MAGI2: variants seen among roughly 807,000 people sequenced by gnomAD.
MAGI2 encodes membrane-associated guanylate kinase, WW and PDZ domain-containing protein 2.
MAGI2 carries 35 observed loss-of-function variants against 133.3 expected under a neutral mutation model. That is an observed-to-expected ratio of 0.26 (90% confidence interval 0.20 to 0.35). The LOEUF (loss-of-function observed/expected upper bound fraction) is 0.35. MAGI2 is among the 10% of genes least tolerant of loss of function. The pLI is 1.00. For missense variants in MAGI2, 1,636 were observed against 1,863.4 expected, an observed-to-expected ratio of 0.88 and a Z score of 2.25; for synonymous variants, 729 against 710.6, an observed-to-expected ratio of 1.03 and a Z score of -0.41.
intron 2 of MAGI2, among the ~76,000 whole-genome samples, chr7:78,807,139 C>A (rs37883): frequency 0.33 from 49,737 of 151,570 alleles, 8,606 homozygotes; most frequent in East Asian, 0.52. Context: ...GTCAGCTATA[C>A]CAGCAGTTCT....
intron 3 of MAGI2, among the ~76,000 whole-genome samples, chr7:78,558,445 A>T (rs1800050079): frequency 6.6e-6 from 1 of 152,190 alleles, no homozygotes; most frequent in Non-Finnish European, 1.5e-5. Context: ...ATAATTTCTA[A>T]ATTTCCAAAA....
chr7:79,275,691 T>C (rs781456531), intron 1 of MAGI2, among the ~76,000 whole-genome samples: 1 of 152,136 alleles, frequency 6.6e-6, no homozygotes, highest in Non-Finnish European at 1.5e-5. Context: ...CTTCAAAGCA[T>C]CACAGGACAG....
intron 5 of MAGI2, among the ~76,000 whole-genome samples, chr7:78,496,384 C>T (rs1794086572): frequency 6.6e-6 from 1 of 152,142 alleles, no homozygotes; most frequent in South Asian, 2.1e-4. Flanking sequence ...TTGTTTTTTG[C>T]CAAAGCAATA....
At position 78,642,798 on chromosome 7, in the gene MAGI2, T is replaced by C. The variant is rs114745420; in HGVS notation, c.419-15559A>G. Among the ~76,000 whole-genome samples, 1,009 of 152,302 alleles carry C rather than the reference T, an allele frequency of 6.6e-3. 10 individuals carry two copies. Among genetic ancestry groups the C allele is most frequent in the African/African-American group, 0.024 (977 of 41,564 alleles). On this transcript the variant is annotated intron_variant, in intron 2 of 21. Coordinates refer to ENST00000354212, the MANE Select transcript of MAGI2 (RefSeq NM_012301.4). ...GGTGGCATTTTACTCTTTTTATACC[T>C]TGAGTAACTTGCCCAAGTGGCAGCA... is the stretch of plus-strand genomic sequence containing the variant.
chr7:78,152,502 A>G (rs1203109250), intron 16 of MAGI2, among the ~76,000 whole-genome samples: 1 of 152,230 alleles, frequency 6.6e-6, no homozygotes, highest in African/African-American at 2.4e-5. Flanking sequence ...TGTACTTTGT[A>G]TCATTAGCAA....
chr7:78,181,551 A>G (rs3807669), intron 13 of MAGI2, among the ~76,000 whole-genome samples: 39,607 of 152,132 alleles, frequency 0.26, 6,086 homozygotes, highest in South Asian at 0.36. Context: ...CATTCTTTGG[A>G]TATTAGTGTT....
intron 7 of MAGI2, among the ~76,000 whole-genome samples, chr7:78,353,878 T>C (rs1791785215): frequency 6.6e-6 from 1 of 152,148 alleles, no homozygotes; most frequent in African/African-American, 2.4e-5. Context: ...GAAGGACAGT[T>C]CTGAGTCATG....
intron 2 of MAGI2, among the ~76,000 whole-genome samples, chr7:78,697,681 G>A (rs1346039035): frequency 2.0e-5 from 3 of 151,948 alleles, no homozygotes; most frequent in South Asian, 2.1e-4. Flanking sequence ...TAACCTCACT[G>A]TAAAAAATAC....
chr7:79,027,229 C>A (rs1185076631), intron 1 of MAGI2, among the ~76,000 whole-genome samples: 6 of 151,904 alleles, frequency 3.9e-5, no homozygotes, highest in Admixed American at 2.6e-4. Context: ...GTCAAAGAGC[C>A]ATCTATACTC....
intron 3 of MAGI2, among the ~76,000 whole-genome samples, chr7:78,549,745 T>A (rs1799175379): frequency 6.6e-6 from 1 of 152,202 alleles, no homozygotes; most frequent in African/African-American, 2.4e-5. Context: ...CTATGACCTA[T>A]AAAACACAAG....
chr7:78,529,185 T>A (rs772221234), intron 3 of MAGI2, among the ~76,000 whole-genome samples: 10 of 152,332 alleles, frequency 6.6e-5, no homozygotes, highest in South Asian at 2.1e-4. Context: ...TTCCTGAAAC[T>A]TGTTTGCAAG....
chr7:78,433,327 A>C (rs1030256156), intron 6 of MAGI2, among the ~76,000 whole-genome samples: 18 of 151,984 alleles, frequency 1.2e-4, no homozygotes, highest in Admixed American at 3.9e-4. Flanking sequence ...TATTTGTATA[A>C]AATATACCTT....
intron 2 of MAGI2, among the ~76,000 whole-genome samples, chr7:78,828,175 G>A (rs780447278): frequency 5.9e-5 from 9 of 151,590 alleles, no homozygotes; most frequent in Non-Finnish European, 1.3e-4. Flanking sequence ...ATAAGCCATC[G>A]TGCCCAGCCT....
At chr7:78,669,323 G>A (rs1814040275) in intron 2 of MAGI2, among the ~76,000 whole-genome samples, 1 of 151,982 alleles carries the variant, frequency 6.6e-6, no homozygotes. Flanking sequence ...AAATCTAGAA[G>A]AAATGGATAA....
At chr7:78,559,638 C>T (rs1004095229) in intron 3 of MAGI2, among the ~76,000 whole-genome samples, 4 of 152,178 alleles carry the variant, frequency 2.6e-5, no homozygotes, top group Non-Finnish European at 4.4e-5. Flanking sequence ...AAAAAATACC[C>T]GAGAATCAGA....
At chr7:78,266,206 T>A (rs1584628353) in intron 9 of MAGI2, among the ~76,000 whole-genome samples, 1 of 152,296 alleles carries the variant, frequency 6.6e-6, no homozygotes, top group East Asian at 1.9e-4. Flanking sequence ...TAGAGCAGTG[T>A]TTTTATGTTT....
At chr7:78,664,558 G>C (rs1031510240) in intron 2 of MAGI2, among the ~76,000 whole-genome samples, 3 of 151,584 alleles carry the variant, frequency 2.0e-5, no homozygotes, top group African/African-American at 7.3e-5. Flanking sequence ...TTCTACTTTT[G>C]AATAATTTTC....
chr7:78,663,624 G>A (rs1813223448), intron 2 of MAGI2, among the ~76,000 whole-genome samples: 1 of 152,154 alleles, frequency 6.6e-6, no homozygotes, highest in African/African-American at 2.4e-5. Flanking sequence ...CTTTATTGAG[G>A]TTTCTTTGTT....
chr7:78,706,399 T>C (rs928304266), intron 2 of MAGI2, among the ~76,000 whole-genome samples: 9 of 152,130 alleles, frequency 5.9e-5, no homozygotes, highest in Non-Finnish European at 7.4e-5. Flanking sequence ...CCCAGCTATG[T>C]GCAACTGTAA....
Sources: allele counts gnomAD v4.1 joint callset (sites outside exome capture counted in the v4.1 genomes callset), GRCh38; gene constraint gnomAD v4.1.1; transcripts MANE v1.5; gene names NCBI Gene and HGNC (gene_info 2026-07-23, HGNC 2026-07-21).